The following TTN variants were observed in gnomAD, a reference collection of about 807,000 sequenced individuals.
TTN encodes connectin.
Under a neutral mutation model 3,223.0 loss-of-function variants are expected in TTN, and 1,525 were observed. The ratio of observed to expected loss-of-function variants is 0.47; its 90% CI spans 0.45 to 0.49. The LOEUF (loss-of-function observed/expected upper bound fraction) is 0.49. Among genes scored for constraint, TTN ranks in the 20% least tolerant of loss-of-function variants. TTN has a pLI of 0.00. For synonymous variants in TTN, 14,094 were observed against 15,161.0 expected (o/e 0.93, Z 5.17); for missense variants, 40,786 against 43,424.0 (o/e 0.94, Z 5.40).
chr2:178,693,841 T>A, intron 118 of TTN, 81 bp downstream of exon 118: 2 of 1,329,884 alleles, frequency 1.5e-6, no homozygotes, highest in Non-Finnish European at 2.1e-6. Flanking sequence ...GTCTACACGA[T>A]CACAAATTAG....
rs886039117 is a variant in TTN, at chr2:178,552,741, T to G, written c.90159A>C (p.Lys30053Asn). The change falls in exon 335 of 363, where the codon AAA becomes AAC. Residue 30053 changes from lysine to asparagine, a missense_variant. Transcript: ENST00000589042. ...TKTSVILSWT[K>N]PDFDGGSVIT... The stretch of plus-strand genomic sequence containing the variant: ...TGACGCTACCACCATCAAAGTCAGG[T>G]TTGGTCCAGCTGAGGATGACAGATG... 2 of 1,613,824 alleles carry G rather than the reference T, an allele frequency of 1.2e-6. No homozygotes were observed. The highest frequency in any genetic ancestry group is 2.7e-5 in the African/African-American group (2 of 74,932).
chr2:178,788,951 A>G (rs1451520051), intron 13 of TTN, among the ~76,000 whole-genome samples: 1 of 152,120 alleles, frequency 6.6e-6, no homozygotes, highest in East Asian at 1.9e-4. Context: ...ACTCCATAAC[A>G]TAATATACTG....
chr2:178,664,209 T>A (rs890622446), intron 168 of TTN, 111 bp from the exon 169 acceptor site: 2 of 1,081,834 alleles, frequency 1.8e-6, no homozygotes, highest in Non-Finnish European at 2.6e-6. Flanking sequence ...CTGAGATCAG[T>A]GGTAACAAGT....
At chr2:178,712,667 G>A (rs570246025) in intron 94 of TTN, 30 bp downstream of exon 94, 2 of 1,607,436 alleles carry the variant, frequency 1.2e-6, no homozygotes, top group Non-Finnish European at 1.7e-6. Flanking sequence ...ATTACTAATC[G>A]TATAAATCTA....
chr2:178,549,523 AG>A, intron 338 of TTN, 46 bp downstream of exon 338: 1 of 1,592,928 alleles, frequency 6.3e-7, no homozygotes, highest in Non-Finnish European at 8.6e-7. Flanking sequence ...TTTGCTTGGA[AG>A]GTTAAACTTT....
rs1689059146 is a variant in TTN at position 178,531,415 on chromosome 2, A to G, written c.105200T>C (p.Phe35067Ser). 2 of 1,613,970 alleles carry G rather than the reference A, an allele frequency of 1.2e-6. No homozygotes were observed. Among genetic ancestry groups the G allele is most frequent in the Non-Finnish European group, 1.7e-6 (2 of 1,179,888 alleles). Residue 35067 changes from phenylalanine to serine, a missense_variant, in exon 358 of 363, where the codon TTT becomes TCT. Transcript: ENST00000589042. ...AGCTTCCATCTCAGATGTTTTCTTAAATGATGAAACAGCATACGCCTCTGT... is the reference window on the plus strand; with the variant it reads ...AGCTTCCATCTCAGATGTTTTCTTAGATGATGAAACAGCATACGCCTCTGT... Reference protein sequence around the residue: ...TRTEAYAVSSFKKTSEMEASS... With the variant: ...TRTEAYAVSSSKKTSEMEASS...
At position 178,580,361 on chromosome 2, in the gene TTN, A is replaced by G; in HGVS notation, c.67018T>C (p.Cys22340Arg). The G allele has an allele frequency of 6.2e-7, 1 of 1,613,260 alleles. No homozygotes were observed. Among genetic ancestry groups the G allele is most frequent in the African/African-American group, 1.3e-5 (1 of 75,010 alleles). The change falls in exon 317 of 363, where the codon TGT (cysteine) becomes CGT (arginine). Residue 22340 changes from cysteine to arginine, a missense_variant. Physicochemically the swap from Cys to Arg is radical, Grantham distance 180 (BLOSUM62 -3). Transcript: ENST00000589042. Reference protein sequence around the residue: ...GKYILTLENSCGKKEYTIVVK... With the variant: ...GKYILTLENSRGKKEYTIVVK... Reference sequence around the variant, plus strand: ...ACAATGGTATATTCCTTTTTACCACAGCTGTTCTCCAGGGTTAAGATATAT... The same window carrying G: ...ACAATGGTATATTCCTTTTTACCACGGCTGTTCTCCAGGGTTAAGATATAT...
intron 45 of TTN, among the ~76,000 whole-genome samples, chr2:178,757,231 T>TACTGTACTTACTTTAAGGA (rs1252574568): frequency 6.7e-6 from 1 of 148,874 alleles, no homozygotes; most frequent in South Asian, 2.1e-4. Flanking sequence ...TAAGTAATAA[T>TACTGTACTTACTTTAAGGA]CAGCAAATAG....
In TTN at chr2:178,667,464, CT is replaced by C; in HGVS notation, c.35690del (p.Lys11897ArgfsTer73). 1 of 1,600,744 alleles carries C rather than the reference CT, an allele frequency of 6.2e-7. No individual in the cohort carries two copies. The highest frequency in any genetic ancestry group is 2.2e-5 in the East Asian group (1 of 44,748). ...TACCTTTAGTTGCTGGTGTTTCTCT[CT>C]TTTTAGGAATAGTCACATATATTTT... ...EDKIYVTIPK[K>X]RETPATKEPD... On this transcript the variant is annotated frameshift_variant, in exon 161 of 363. Transcript: ENST00000589042. LOFTEE classifies it high-confidence loss of function.
rs267599070 is a variant in TTN, at chr2:178,735,547, C to T, written c.14899G>A (p.Gly4967Arg). The change falls in exon 50 of 363, where the codon GGA becomes AGA. Residue 4967 changes from glycine (G) to arginine (R), a missense_variant. Physicochemically the swap from Gly to Arg is moderately radical, Grantham distance 125. Coordinates refer to ENST00000589042, the MANE Select transcript of TTN (RefSeq NM_001267550.2). Reference sequence around the variant, plus strand: ...ACTGTGGCTGAGCAGGAGCTGCTTCCAGCCTCATTTGAAGCTGTACAGACA... The same window carrying T: ...ACTGTGGCTGAGCAGGAGCTGCTTCTAGCCTCATTTGAAGCTGTACAGACA... The part of the protein sequence containing the change: ...TYVCTASNEA[G>R]SSSCSATVTV... 2 of 1,600,950 alleles carry T rather than the reference C, an allele frequency of 1.2e-6. No homozygotes were observed. Among genetic ancestry groups the T allele is most frequent in the Non-Finnish European group, 1.7e-6 (2 of 1,174,870 alleles).
Position 178,731,243 on chromosome 2 carries a change from C to G in TTN, c.17462-40G>C, listed in dbSNP as rs189164043. ...GGGATAGATGTGGGTTGTGCATTAC[C>G]CTGCTGAAAGGCTTACATCTGCATT... On this transcript the variant is annotated intron_variant, in intron 59 of 362. Coordinates refer to ENST00000589042, the MANE Select transcript of TTN (RefSeq NM_001267550.2). The G allele has an allele frequency of 2.1e-3, 3,438 of 1,610,406 alleles. 2 individuals are homozygous for G. Among genetic ancestry groups the G allele is most frequent in the Non-Finnish European group, 2.7e-3 (3,126 of 1,177,506 alleles).
In TTN at chr2:178,698,926, A is replaced by G. The variant is rs1239014089; in HGVS notation, c.30683-12T>C. The G allele has an allele frequency of 4.0e-6, 6 of 1,495,226 alleles. No individual in the cohort carries two copies. Among genetic ancestry groups the G allele is most frequent in the Middle Eastern group, 1.9e-4 (1 of 5,384 alleles). The allele number at this position is 1,495,226 out of a possible 1,614,324, so 92.6% of individuals were successfully genotyped here. The stretch of plus-strand genomic sequence containing the variant: ...AGCCTTTTTGGTAACTAAAAAAAAA[A>G]AAAAAGAAAAAAAAAGAAAAAATAT... On this transcript the variant is annotated splice_polypyrimidine_tract_variant and intron_variant, in intron 111 of 362. Transcript: ENST00000589042.
rs796349969 is a variant in TTN at position 178,533,450 on chromosome 2, T to C, written c.103165A>G (p.Ile34389Val). The change falls in exon 358 of 363, where the codon ATC (isoleucine) becomes GTC (valine). Residue 34389 changes from isoleucine to valine, a missense_variant. Physicochemically the swap from Ile to Val is conservative, Grantham distance 29 (BLOSUM62 3). Coordinates refer to ENST00000589042, the MANE Select transcript of TTN (RefSeq NM_001267550.2). ...TCCCATTTTAATGTTGGTGGGGGGA[T>C]GCCAGACACTCTGATCTCAAAGCAG... ...SVCFEIRVSG[I>V]PPPTLKWEKD... 2 of 1,613,770 alleles carry C rather than the reference T, an allele frequency of 1.2e-6. No homozygotes were observed. Among genetic ancestry groups the C allele is most frequent in the Non-Finnish European group, 1.7e-6 (2 of 1,179,726 alleles).
chr2:178,663,739 A>G (rs1489827403), intron 170 of TTN, 29 bp from the exon 171 acceptor site: 1 of 1,612,744 alleles, frequency 6.2e-7, no homozygotes, highest in Non-Finnish European at 8.5e-7. Flanking sequence ...AATTACATTC[A>G]GAAGTTATGA....
Position 178,527,598 on chromosome 2 carries a change from A to G in TTN, c.107528T>C (p.Met35843Thr), listed in dbSNP as rs760758096. 7 of 1,613,888 alleles carry G rather than the reference A, an allele frequency of 4.3e-6. No homozygotes were observed. The highest frequency in any genetic ancestry group is 1.7e-5 in the Admixed American group (1 of 60,002). ...CATGCTTGCAAATTTCATCTCAGTC[A>G]TGCTGCTAGCACTGCTGCTGCTGAA... is the stretch of plus-strand genomic sequence containing the variant. ...SSFSSSSASS[M>T]TEMKFASMSA... The change falls in exon 362 of 363, where the codon ATG becomes ACG. Residue 35843 changes from methionine (M) to threonine (T), a missense_variant. By Grantham distance (81) the Met-to-Thr change is moderately conservative. Coordinates refer to ENST00000589042, the MANE Select transcript of TTN (RefSeq NM_001267550.2).
chr2:178,698,925 A>G lies in TTN; in HGVS notation c.30683-11T>C, dbSNP rs2074230853. 6.7e-7 allele frequency: 1 copy of G among 1,495,398 alleles called. No individual in the cohort carries two copies. Among genetic ancestry groups the G allele is most frequent in the Non-Finnish European group, 8.8e-7 (1 of 1,130,644 alleles). The allele number at this position is 1,495,398 out of a possible 1,614,324, so 92.6% of individuals were successfully genotyped here. ...CAGCCTTTTTGGTAACTAAAAAAAA[A>G]AAAAAAGAAAAAAAAAGAAAAAATA... is the stretch of plus-strand genomic sequence containing the variant. On this transcript the variant is annotated splice_polypyrimidine_tract_variant and intron_variant, in intron 111 of 362. Coordinates refer to ENST00000589042, the MANE Select transcript of TTN (RefSeq NM_001267550.2).
chr2:178,704,699 T>C lies in TTN; in HGVS notation c.29773A>G (p.Ile9925Val). The change falls in exon 105 of 363, where the codon ATT (isoleucine) becomes GTT (valine). Residue 9925 changes from isoleucine (I) to valine (V), a missense_variant. By Grantham distance (29) the Ile-to-Val change is conservative. Transcript: ENST00000589042. Reference sequence around the variant, plus strand: ...GAAAGCTTGATTTCTGGATAATTAATTTTAATGTCAATTTCAAAGACAGCA... The same window carrying C: ...GAAAGCTTGATTTCTGGATAATTAACTTTAATGTCAATTTCAAAGACAGCA... ...NDAVFEIDIK[I>V]NYPEIKLSWY... The C allele has an allele frequency of 6.2e-7, 1 of 1,611,632 alleles. No homozygotes were observed. Among genetic ancestry groups the C allele is most frequent in the Middle Eastern group, 1.7e-4 (1 of 6,056 alleles).
Position 178,542,427 on chromosome 2 carries a change from A to G in TTN, c.97329T>C (p.His32443=). ...CAGAAACGGGCAGCCATCCTGGACG[A>G]TGAGCGTCACGTTGTTCTACCACAT... ...SGYVVEQRDA[H]RPGWLPVSES... is the part of the protein sequence containing the mutation. The change falls in exon 349 of 363, where the codon CAT becomes CAC. Residue 32443 remains histidine, a synonymous_variant. Transcript: ENST00000589042. The G allele has an allele frequency of 1.2e-6, 2 of 1,613,686 alleles. No individual in the cohort carries two copies. Among genetic ancestry groups the G allele is most frequent in the South Asian group, 2.2e-5 (2 of 91,082 alleles).
chr2:178,565,130 C>G lies in TTN; in HGVS notation c.81002G>C (p.Gly27001Ala), dbSNP rs767825951. 2 of 1,613,338 alleles carry G rather than the reference C, an allele frequency of 1.2e-6. No individual in the cohort carries two copies. Among genetic ancestry groups the G allele is most frequent in the African/African-American group, 1.3e-5 (1 of 74,894 alleles). ...VISWEPPAYT[G>A]GCQISNYIVE... ...AATGTAGTTGCTTATTTGGCAGCCA[C>G]CAGTATAGGCTGGAGGTTCCCAAGA... Residue 27001 changes from glycine to alanine, a missense_variant, in exon 326 of 363, where the codon GGT becomes GCT. Physicochemically the swap from Gly to Ala is moderately conservative, Grantham distance 60. Coordinates refer to ENST00000589042, the MANE Select transcript of TTN (RefSeq NM_001267550.2).
Sources: allele counts gnomAD v4.1 joint callset (sites outside exome capture counted in the v4.1 genomes callset), GRCh38; gene constraint gnomAD v4.1.1; transcripts MANE v1.5; gene names NCBI Gene and HGNC (gene_info 2026-07-23, HGNC 2026-07-21).